E2F6: variants seen among roughly 807,000 people sequenced by gnomAD.
E2F6 encodes the protein E2F transcription factor 6.
In E2F6, 19 loss-of-function variants were observed where a neutral mutation model predicts 31.5. The ratio of observed to expected loss-of-function variants is 0.60; its 90% confidence interval spans 0.42 to 0.89. The LOEUF (loss-of-function observed/expected upper bound fraction) is 0.89. E2F6 is among the 40% of genes least tolerant of loss of function. The pLI is 0.00. For synonymous variants in E2F6, 121 were observed against 127.7 expected, an observed-to-expected ratio of 0.95 and a Z score of 0.36; for missense variants, 269 against 341.6, an observed-to-expected ratio of 0.79 and a Z score of 1.67.
chr2:11,453,171 A>AT (rs531752435), intron 3 of E2F6, among the ~76,000 whole-genome samples: 199 of 144,184 alleles, frequency 1.4e-3, no homozygotes, highest in Admixed American at 4.4e-3. Context: ...ACACTGTCTG[A>AT]TTTTTTTTTT....
chr2:11,459,650 G>C (rs779057887), intron 1 of E2F6, among the ~76,000 whole-genome samples: 1 of 151,954 alleles, frequency 6.6e-6, no homozygotes, highest in Non-Finnish European at 1.5e-5. Flanking sequence ...GAGGCGGGGT[G>C]GGGGGAGGAG....
intron 1 of E2F6, among the ~76,000 whole-genome samples, chr2:11,457,918 A>G (rs1671512474): frequency 6.6e-6 from 1 of 152,238 alleles, no homozygotes; most frequent in South Asian, 2.1e-4. Flanking sequence ...TTTGCGTTAG[A>G]TAAAAAGTTT....
intron 1 of E2F6, among the ~76,000 whole-genome samples, chr2:11,461,490 T>C (rs1671778839): frequency 6.6e-6 from 1 of 152,228 alleles, no homozygotes; most frequent in Non-Finnish European, 1.5e-5. Context: ...TAGCTGGGAT[T>C]ACAGGCGCAC....
chr2:11,445,231 T>C lies in E2F6; in HGVS notation c.*1246A>G, dbSNP rs969883808. The C allele has an allele frequency of 2.6e-5, 4 of 152,416 alleles. No homozygotes were observed. The highest frequency in any genetic ancestry group is 4.4e-5 in the Non-Finnish European group (3 of 68,036). The allele number at this position is 152,416 out of a possible 1,614,324, so 9.4% of individuals were successfully genotyped here. A position where few individuals can be genotyped will look rare whatever the true frequency, so the allele number is the denominator to read the frequency against. On this transcript the variant is annotated 3_prime_UTR_variant, in exon 7 of 7. Transcript: ENST00000381525. ...AAGCAATATTCAAACGATACAGGAA[T>C]CTTGTACGATAGACAAACCAAATAT...
intron 6 of E2F6, 50 bp from the exon 7 acceptor site, chr2:11,446,573 G>T (rs1670727024): frequency 2.7e-6 from 4 of 1,507,238 alleles, no homozygotes; most frequent in Non-Finnish European, 3.7e-6. Flanking sequence ...ACACCTAAGT[G>T]AAGGTCTGAT....
In E2F6 at chr2:11,458,273, G is replaced by C. The variant is rs1671537605; in HGVS notation, c.109-1040C>G. The C allele has an allele frequency of 2.6e-6, 4 of 1,551,722 alleles. No homozygotes were observed. The African/African-American group carries it at 4.1e-5, about 16-fold the overall frequency. On this transcript the variant is annotated intron_variant, in intron 1 of 6. Coordinates refer to ENST00000381525, the MANE Select transcript of E2F6 (RefSeq NM_198256.4). ...AGTACTAGGGATACACCCAGACAGG[G>C]AACTCACAGAAGGATTCATGGCGAA...
chr2:11,463,825 C>G (rs2148366324), intron 1 of E2F6, among the ~76,000 whole-genome samples: 1 of 151,706 alleles, frequency 6.6e-6, no homozygotes, highest in African/African-American at 2.4e-5. Context: ...GTGGCATGTG[C>G]CTGTGGTCTC....
chr2:11,446,623 G>GGGTTTTCTGAAGT, intron 6 of E2F6, 100 bp from the exon 7 acceptor site: 1 of 987,984 alleles, frequency 1.0e-6, no homozygotes, highest in Non-Finnish European at 1.6e-6. Context: ...GACTACTTCA[G>GGGTTTTCTGAAGT]AAAACCCTGA....
chr2:11,458,837 G>A (rs767868824), intron 1 of E2F6, among the ~76,000 whole-genome samples: 11 of 152,138 alleles, frequency 7.2e-5, no homozygotes, highest in Admixed American at 5.2e-4. Context: ...TGTTAGAATT[G>A]AACACGTAGA....
chr2:11,459,333 A>G (rs1671618773), intron 1 of E2F6, among the ~76,000 whole-genome samples: 1 of 152,170 alleles, frequency 6.6e-6, no homozygotes, highest in Non-Finnish European at 1.5e-5. Flanking sequence ...TCATCTAGAC[A>G]GTGGATCACA....
chr2:11,465,688 G>C, intron 1 of E2F6, 84 bp downstream of exon 1: 5 of 1,435,212 alleles, frequency 3.5e-6, no homozygotes, highest in Non-Finnish European at 4.8e-6. Flanking sequence ...CCAGACGACG[G>C]CCAGCGGGGT....
intron 1 of E2F6, among the ~76,000 whole-genome samples, chr2:11,457,584 C>T (rs1671487375): frequency 6.6e-6 from 1 of 152,194 alleles, no homozygotes; most frequent in Non-Finnish European, 1.5e-5. Context: ...GATCATGCCA[C>T]TGCACTCCAG....
At chr2:11,457,468 C>G (rs879823923) in intron 1 of E2F6, among the ~76,000 whole-genome samples, 4 of 152,090 alleles carry the variant, frequency 2.6e-5, no homozygotes, top group Admixed American at 2.6e-4. Context: ...ACTAAAAATA[C>G]AAAAATTAGC....
chr2:11,463,943 T>C (rs1671944218), intron 1 of E2F6, among the ~76,000 whole-genome samples: 1 of 46,562 alleles, frequency 2.1e-5, no homozygotes, highest in African/African-American at 5.9e-5. Context: ...AGTGAGATCC[T>C]GCACCGGGGG....
intron 5 of E2F6, among the ~76,000 whole-genome samples, chr2:11,448,061 C>A (rs911799464): frequency 5.3e-5 from 8 of 152,138 alleles, no homozygotes; most frequent in African/African-American, 1.9e-4. Context: ...TTTGATGACA[C>A]AGAACTCCAG....
At position 11,446,276 on chromosome 2, in the gene E2F6, G is replaced by A. The variant is rs1208393329; in HGVS notation, c.*201C>T. ...AAAAAGCAGTGAATAATTATAAAAG[G>A]AGTTGTTTTCAAATGTGGAAACCAC... On this transcript the variant is annotated 3_prime_UTR_variant, in exon 7 of 7. Transcript: ENST00000381525. The A allele has an allele frequency of 5.8e-6, 3 of 513,908 alleles. No individual in the cohort carries two copies. In the Admixed American group the frequency reaches 1.1e-4, roughly 20 times the overall value. The allele number at this position is 513,908 out of a possible 1,614,324, so 31.8% of individuals were successfully genotyped here. A position where few individuals can be genotyped will look rare whatever the true frequency, so the allele number is the denominator to read the frequency against.
At chr2:11,447,517 A>G in intron 6 of E2F6, 110 bp downstream of exon 6, 2 of 1,145,680 alleles carry the variant, frequency 1.7e-6, no homozygotes, top group Non-Finnish European at 2.5e-6. Flanking sequence ...GTAATTTTTT[A>G]CTCATGTTTT....
chr2:11,460,980 A>C (rs1410711812), intron 1 of E2F6, among the ~76,000 whole-genome samples: 2 of 151,630 alleles, frequency 1.3e-5, no homozygotes, highest in Admixed American at 1.3e-4. Flanking sequence ...TTTGCACCTC[A>C]CCTTTAGGGG....
chr2:11,451,343 CCTAACTTT>C (rs1303407856), intron 4 of E2F6: 10 of 167,008 alleles, frequency 6.0e-5, no homozygotes, highest in African/African-American at 2.6e-4. Context: ...CCAACTTTTA[CCTAACTTT>C]TTTTTTTTTT....
Sources: gnomAD v4.1 joint callset for allele counts (sites outside exome capture counted in the v4.1 genomes callset) on GRCh38, gnomAD v4.1.1 for gene constraint, MANE v1.5 for transcripts, NCBI Gene and HGNC (gene_info 2026-07-23, HGNC 2026-07-21) for gene names.